DCC: variants seen among roughly 807,000 people sequenced by gnomAD.
DCC encodes the protein netrin receptor DCC.
A neutral mutation model predicts 172.5 loss-of-function variants in DCC; 58 were observed. The ratio of observed to expected loss-of-function variants is 0.34; its 90% CI spans 0.27 to 0.42. The LOEUF (loss-of-function observed/expected upper bound fraction) is 0.42, where lower values mean the gene tolerates loss of function less well. Ranked by LOEUF, DCC falls within the 10% of genes least tolerant of loss-of-function variation. DCC has a pLI of 1.00. For synonymous variants in DCC, 709 were observed against 644.5 expected (o/e 1.10, Z -1.52); for missense variants, 1,740 against 1,791.0 (o/e 0.97, Z 0.51).
At chr18:53,210,094 G>T (rs999814199) in intron 11 of DCC, among the ~76,000 whole-genome samples, 3 of 152,126 alleles carry the variant, frequency 2.0e-5, no homozygotes, top group Non-Finnish European at 4.4e-5. Flanking sequence ...CCGTGACCTC[G>T]TTTGCATTCA....
intron 3 of DCC, among the ~76,000 whole-genome samples, chr18:52,920,452 A>G (rs1006575785): frequency 6.6e-6 from 1 of 152,082 alleles, no homozygotes; most frequent in African/African-American, 2.4e-5. Context: ...TATGTTTAAC[A>G]TATGTCATTA....
chr18:53,439,990 C>T (rs529000845), intron 22 of DCC, among the ~76,000 whole-genome samples: 5 of 151,456 alleles, frequency 3.3e-5, no homozygotes, highest in South Asian at 2.1e-4. Context: ...TGGTCTCGAT[C>T]TCTTGACCTC....
chr18:52,558,273 A>G (rs1043720262), intron 1 of DCC, among the ~76,000 whole-genome samples: 11 of 151,738 alleles, frequency 7.2e-5, no homozygotes, highest in African/African-American at 2.7e-4. Flanking sequence ...AACATTTATT[A>G]TGATAATACA....
intron 8 of DCC, among the ~76,000 whole-genome samples, chr18:53,170,079 A>T (rs2054989392): frequency 6.6e-6 from 1 of 152,188 alleles, no homozygotes; most frequent in Non-Finnish European, 1.5e-5. Context: ...AGAACTGAAC[A>T]AATCTGTGAA....
chr18:52,367,247 A>C (rs1260135320), intron 1 of DCC, among the ~76,000 whole-genome samples: 1 of 152,106 alleles, frequency 6.6e-6, no homozygotes, highest in African/African-American at 2.4e-5. Context: ...GCTGGCCCGC[A>C]AGTGCCGCAC....
intron 12 of DCC, among the ~76,000 whole-genome samples, chr18:53,235,124 A>G (rs968515387): frequency 6.6e-6 from 1 of 152,196 alleles, no homozygotes; most frequent in Non-Finnish European, 1.5e-5. Flanking sequence ...CACAGGGTTC[A>G]TTGTGTAAGG....
chr18:53,286,193 C>T (rs758521936), intron 12 of DCC, among the ~76,000 whole-genome samples: 1 of 151,908 alleles, frequency 6.6e-6, no homozygotes, highest in Non-Finnish European at 1.5e-5. Context: ...TTTGAGGGGC[C>T]GGGGGTGAAA....
At chr18:53,365,631 G>A (rs762613535) in intron 15 of DCC, among the ~76,000 whole-genome samples, 1 of 152,114 alleles carries the variant, frequency 6.6e-6, no homozygotes, top group Non-Finnish European at 1.5e-5. Context: ...GTCTAGCATT[G>A]AGCACTGTTA....
rs567800237 is a variant in DCC, at chr18:52,393,320, CACATCAGA to C, written c.91+52443_91+52450del. On this transcript the variant is annotated intron_variant, in intron 1 of 28. Coordinates refer to ENST00000442544, the MANE Select transcript of DCC (RefSeq NM_005215.4). ...CGATGCAGATATAGTTTGAAGAAAG[CACATCAGA>C]TGGTTCTAACATGTACTTCCTCATC... Among the ~76,000 whole-genome samples, 7 of 152,172 alleles carry C rather than the reference CACATCAGA, an allele frequency of 4.6e-5. No individual in the cohort carries two copies. In the South Asian group the frequency reaches 1.5e-3, roughly 32 times the overall value.
chr18:53,257,359 T>C (rs1598954143), intron 12 of DCC, among the ~76,000 whole-genome samples: 1 of 152,212 alleles, frequency 6.6e-6, no homozygotes, highest in African/African-American at 2.4e-5. Flanking sequence ...TTGTCATAGA[T>C]AGCTCTGATT....
chr18:53,053,296 T>A (rs1248130660), intron 5 of DCC, among the ~76,000 whole-genome samples: 3 of 152,154 alleles, frequency 2.0e-5, no homozygotes, highest in Admixed American at 2.0e-4. Context: ...TTTCTGGGGT[T>A]TAAGGGAAGA....
chr18:52,667,374 T>A (rs917243379), intron 1 of DCC, among the ~76,000 whole-genome samples: 3 of 152,248 alleles, frequency 2.0e-5, no homozygotes, highest in African/African-American at 7.2e-5. Flanking sequence ...GTCTTATCTA[T>A]TTTGATTTGA....
intron 1 of DCC, among the ~76,000 whole-genome samples, chr18:52,731,522 A>T (rs942056994): frequency 2.6e-5 from 4 of 152,228 alleles, no homozygotes; most frequent in Admixed American, 2.0e-4. Flanking sequence ...AGGGTTTAGG[A>T]CAGGGAAGCC....
At chr18:52,693,737 AAT>A (rs1307730700) in intron 1 of DCC, among the ~76,000 whole-genome samples, 1 of 152,076 alleles carries the variant, frequency 6.6e-6, no homozygotes, top group Non-Finnish European at 1.5e-5. Flanking sequence ...AAAACAAAAA[AAT>A]GCCAAAGGTA....
chr18:53,427,817 ATATAT>A (rs1911079203), intron 21 of DCC, among the ~76,000 whole-genome samples: 1 of 123,210 alleles, frequency 8.1e-6, no homozygotes, highest in Non-Finnish European at 1.7e-5. Flanking sequence ...AATATATATA[ATATAT>A]TAATATATGA....
At chr18:52,928,392 C>T (rs1357554217) in intron 5 of DCC, among the ~76,000 whole-genome samples, 1 of 152,012 alleles carries the variant, frequency 6.6e-6, no homozygotes, top group African/African-American at 2.4e-5. Flanking sequence ...TGAGATGCAA[C>T]TTATCTATAT....
chr18:52,784,494 T>C (rs558324505), intron 2 of DCC, among the ~76,000 whole-genome samples: 2 of 152,178 alleles, frequency 1.3e-5, no homozygotes, highest in African/African-American at 4.8e-5. Context: ...TTCTGTACTG[T>C]TTTCCATAAT....
At chr18:53,037,472 T>A (rs1398906370) in intron 5 of DCC, among the ~76,000 whole-genome samples, 1 of 151,948 alleles carries the variant, frequency 6.6e-6, no homozygotes, top group African/African-American at 2.4e-5. Context: ...TTCATGGTCA[T>A]TTGTACAGCC....
chr18:53,054,957 A>T (rs941449618), intron 5 of DCC, among the ~76,000 whole-genome samples: 9 of 152,128 alleles, frequency 5.9e-5, no homozygotes, highest in Admixed American at 3.3e-4. Flanking sequence ...TATAGGTGCA[A>T]TTGGTATGAA....
Sources: allele counts gnomAD v4.1 joint callset (sites outside exome capture counted in the v4.1 genomes callset), GRCh38; gene constraint gnomAD v4.1.1; transcripts MANE v1.5; gene names NCBI Gene and HGNC (gene_info 2026-07-23, HGNC 2026-07-21).